Variants in EPHA2 observed in about 807,000 individuals in gnomAD.
EPHA2 encodes the protein EPH receptor A2.
EPHA2 carries 54 observed loss-of-function variants against 104.9 expected under a neutral mutation model. The ratio of observed to expected loss-of-function variants is 0.51; its 90% CI spans 0.41 to 0.65. The LOEUF (loss-of-function observed/expected upper bound fraction) is 0.65. Ranked by LOEUF, EPHA2 falls within the 30% of genes least tolerant of loss-of-function variation. The pLI is 0.00. For synonymous variants in EPHA2, 560 were observed against 559.1 expected (o/e 1.00, Z -0.02); for missense variants, 1,117 against 1,369.5 (o/e 0.82, Z 2.91).
At chr1:16,155,705 G>T in intron 1 of EPHA2, 143 bp downstream of exon 1, 2 of 613,746 alleles carry the variant, frequency 3.3e-6, no homozygotes, top group Non-Finnish European at 5.0e-6. Flanking sequence ...CGCCTCGATC[G>T]CAGCCCGTGC....
Position 16,148,244 on chromosome 1 carries a change from C to G in EPHA2, c.823+134G>C. On this transcript the variant is annotated intron_variant, in intron 3 of 16. Transcript: ENST00000358432. This position sits in a 1 kb window ranked among gnomAD's most constrained non-coding sequence, Gnocchi z 4.9. Reference sequence around the variant, plus strand: ...AAGGAAACTGATGTCTGGGAAGGATCTATAATTTCCACTAACAGAACTAAT... The same window carrying G: ...AAGGAAACTGATGTCTGGGAAGGATGTATAATTTCCACTAACAGAACTAAT... The G allele has an allele frequency of 8.9e-7, 1 of 1,129,680 alleles. No individual in the cohort carries two copies. The highest frequency in any genetic ancestry group is 1.3e-6 in the Non-Finnish European group (1 of 760,874). The allele number at this position is 1,129,680 out of a possible 1,614,324, so 70.0% of individuals were successfully genotyped here.
intron 9 of EPHA2, 90 bp downstream of exon 9, chr1:16,133,770 C>A: frequency 6.7e-7 from 1 of 1,492,062 alleles, no homozygotes. Flanking sequence ...CACCCCAGTG[C>A]CCTGGGAACA....
At chr1:16,140,691 T>A (rs2124236490) in intron 3 of EPHA2, among the ~76,000 whole-genome samples, 1 of 152,250 alleles carries the variant, frequency 6.6e-6, no homozygotes, top group Non-Finnish European at 1.5e-5. Flanking sequence ...GGATCTCAGC[T>A]CACTGCAACC....
chr1:16,137,998 A>C lies in EPHA2; in HGVS notation c.1167T>G (p.Pro389=). The C allele has an allele frequency of 6.2e-7, 1 of 1,614,062 alleles. No individual in the cohort carries two copies. The highest frequency in any genetic ancestry group is 8.5e-7 in the Non-Finnish European group (1 of 1,180,030). The change falls in exon 5 of 17, where the codon CCT becomes CCG. Residue 389 remains proline (P), a synonymous_variant. Coordinates refer to ENST00000358432, the MANE Select transcript of EPHA2 (RefSeq NM_004431.5). ...TCACACTGGTGCGGGTCAGTCCGTG[A>C]GGAGGCTCCGAGTAGCGCACACTGG... ...CEASVRYSEP[P]HGLTRTSVTV...
chr1:16,155,958 T>TC lies in EPHA2; in HGVS notation c.-27dup. 4 of 1,480,094 alleles carry TC rather than the reference T, an allele frequency of 2.7e-6. No homozygotes were observed. Among genetic ancestry groups the TC allele is most frequent in the Admixed American group, 2.3e-5 (1 of 43,800 alleles). 91.7% of individuals were successfully genotyped at this position (1,480,094 alleles called of 1,614,324 possible). A position where few individuals can be genotyped will look rare whatever the true frequency, so the allele number is the denominator to read the frequency against. ...GCCGCGCTTCTCGCTCTCGGTCCGA[T>TC]CCCCCCGAGCCCGGCTCCCGCACAC... On this transcript the variant is annotated 5_prime_UTR_variant, in exon 1 of 17. Transcript: ENST00000358432.
chr1:16,135,901 C>T lies in EPHA2; in HGVS notation c.1313-131G>A, dbSNP rs954749558. 29 of 616,856 alleles carry T rather than the reference C, an allele frequency of 4.7e-5. No homozygotes were observed. The highest frequency in any genetic ancestry group is 1.1e-4 in the African/African-American group (6 of 55,072). 38.2% of individuals were successfully genotyped at this position (616,856 alleles called of 1,614,324 possible). On this transcript the variant is annotated intron_variant, in intron 5 of 16. Coordinates refer to ENST00000358432, the MANE Select transcript of EPHA2 (RefSeq NM_004431.5). The surrounding 1 kb of genome is among the most constrained non-coding windows in gnomAD (Gnocchi z 4.3). Reference sequence around the variant, plus strand: ...CTTTCATTTTTTTGAGACAGGATCTCGCTCTCTCACCCAGGCTCGAGTGCA... The same window carrying T: ...CTTTCATTTTTTTGAGACAGGATCTTGCTCTCTCACCCAGGCTCGAGTGCA...
chr1:16,136,713 A>AAAGAAGAAGAAGGAG (rs2024706559), intron 5 of EPHA2, among the ~76,000 whole-genome samples: 2 of 102,734 alleles, frequency 1.9e-5, no homozygotes, highest in Admixed American at 9.2e-5. Flanking sequence ...AAGAAGAAGA[A>AAAGAAGAAGAAGGAG]AAGAAGAAGA....
At chr1:16,137,830 C>G in intron 5 of EPHA2, 23 bp downstream of exon 5, 1 of 1,613,108 alleles carries the variant, frequency 6.2e-7, no homozygotes, top group African/African-American at 1.3e-5. Flanking sequence ...CCATAGGGCA[C>G]AGCTGCCACC....
At position 16,124,929 on chromosome 1, in the gene EPHA2, C is replaced by G; in HGVS notation, c.*286G>C. 1 of 463,236 alleles carries G rather than the reference C, an allele frequency of 2.2e-6. No individual in the cohort carries two copies. Among genetic ancestry groups the G allele is most frequent in the Non-Finnish European group, 4.0e-6 (1 of 249,758 alleles). The allele number at this position is 463,236 out of a possible 1,614,324, so 28.7% of individuals were successfully genotyped here. On this transcript the variant is annotated 3_prime_UTR_variant, in exon 17 of 17. Transcript: ENST00000358432. ...GCTTGGGAATATCCCATATGTCTGT[C>G]CGAAGGCTGTGGCGGGGCTCCTGCT... is the stretch of plus-strand genomic sequence containing the variant.
In EPHA2 at chr1:16,135,638, G is replaced by C. The variant is rs371515535; in HGVS notation, c.1428+17C>G. 1.9e-6 allele frequency: 3 copies of C among 1,610,440 alleles called. No homozygotes were observed. The African/African-American group carries it at 4.0e-5, about 22-fold the overall frequency. On this transcript the variant is annotated intron_variant, in intron 6 of 16. Transcript: ENST00000358432. The surrounding 1 kb of genome is among the most constrained non-coding windows in gnomAD (Gnocchi z 4.3). ...TGTCGGCCCAGCTAGAGCCAGCCCC[G>C]CCCCTCTGGGAGTTACCTTCTTGCG...
Position 16,131,796 on chromosome 1 carries a change from C to T in EPHA2, c.2400G>A (p.Val800=). The change falls in exon 14 of 17, where the codon GTG becomes GTA. Residue 800 remains valine, a synonymous_variant. Transcript: ENST00000358432. This position sits in a 1 kb window ranked among gnomAD's most constrained non-coding sequence, Gnocchi z 5.2. ...SYRKFTSASD[V]WSFGIVMWEV... is the part of the protein sequence containing the mutation. ...CCCACATGACAATGCCAAAGCTCCA[C>T]ACGTCGCTGGCAGAGGTGAACTTCC... 1.9e-6 allele frequency: 3 copies of T among 1,614,170 alleles called. No homozygotes were observed. The highest frequency in any genetic ancestry group is 2.5e-6 in the Non-Finnish European group (3 of 1,180,040).
intron 3 of EPHA2, among the ~76,000 whole-genome samples, chr1:16,143,044 G>T (rs1391378204): frequency 6.7e-6 from 1 of 148,576 alleles, no homozygotes. Context: ...TGGGTGGAGG[G>T]GTGGGCAGAT....
rs1446303883 is a variant in EPHA2, at chr1:16,141,319, C to T, written c.824-2889G>A. The stretch of plus-strand genomic sequence containing the variant: ...GGCTGAAGTGGTCTCCTTCAAGCCC[C>T]GAATGTCTTCAAGTCTCCTATTGTA... On this transcript the variant is annotated intron_variant, in intron 3 of 16. Transcript: ENST00000358432. Among the ~76,000 whole-genome samples, 5 of 152,090 alleles carry T rather than the reference C, an allele frequency of 3.3e-5. No homozygotes were observed. The South Asian group carries it at 8.3e-4, about 25-fold the overall frequency.
intron 3 of EPHA2, among the ~76,000 whole-genome samples, chr1:16,143,929 GC>G (rs2024877468): frequency 6.6e-6 from 1 of 152,154 alleles, no homozygotes; most frequent in South Asian, 2.1e-4. Context: ...CAGAAGGGGG[GC>G]TGCCCCCAGG....
intron 16 of EPHA2, among the ~76,000 whole-genome samples, chr1:16,126,777 C>A (rs963021069): frequency 1.3e-5 from 2 of 152,130 alleles, no homozygotes; most frequent in Admixed American, 1.3e-4. Flanking sequence ...GGTTGAATCC[C>A]AGAAGAAACC....
At chr1:16,144,553 C>T (rs761203866) in intron 3 of EPHA2, among the ~76,000 whole-genome samples, 2 of 152,230 alleles carry the variant, frequency 1.3e-5, no homozygotes, top group Non-Finnish European at 2.9e-5. Context: ...GGGCTGTAAG[C>T]AGTGGGACCC....
chr1:16,149,517 T>C (rs188410471), intron 2 of EPHA2, among the ~76,000 whole-genome samples: 148 of 152,320 alleles, frequency 9.7e-4, no homozygotes, highest in African/African-American at 3.2e-3. Flanking sequence ...CCCATGTGTG[T>C]TGGCAAACGC....
intron 5 of EPHA2, among the ~76,000 whole-genome samples, chr1:16,137,092 G>T (rs945953295): frequency 1.3e-5 from 2 of 151,964 alleles, no homozygotes; most frequent in Non-Finnish European, 2.9e-5. Context: ...GAGCCACCGC[G>T]CCCAGTCTCA....
Position 16,128,609 on chromosome 1 carries a change from T to A in EPHA2, c.2825+825A>T, listed in dbSNP as rs971503977. Among the ~76,000 whole-genome samples, 2 of 152,130 alleles carry A rather than the reference T, an allele frequency of 1.3e-5. No homozygotes were observed. The highest frequency in any genetic ancestry group is 2.9e-5 in the Non-Finnish European group (2 of 68,022). ...TGGGTTGTTGAAACTGGCCACTATT[T>A]TTAGAGGCACAAAAGGCTAAGAGGA... On this transcript the variant is annotated intron_variant, in intron 16 of 16. Coordinates refer to ENST00000358432, the MANE Select transcript of EPHA2 (RefSeq NM_004431.5). The surrounding 1 kb of genome is among the most constrained non-coding windows in gnomAD (Gnocchi z 4.7).
Sources: allele counts gnomAD v4.1 joint callset (sites outside exome capture counted in the v4.1 genomes callset), GRCh38; gene constraint gnomAD v4.1.1; non-coding constraint Gnocchi (gnomAD v3.1); transcripts MANE v1.5; gene names NCBI Gene and HGNC (gene_info 2026-07-23, HGNC 2026-07-21).